The following CDH4 variants were observed in gnomAD, a reference collection of about 807,000 sequenced individuals.
CDH4 encodes the protein cadherin-4.
A neutral mutation model predicts 86.0 loss-of-function variants in CDH4; 33 were observed. The ratio of observed to expected loss-of-function variants is 0.38; its 90% confidence interval spans 0.29 to 0.51. The LOEUF is 0.51. CDH4 is among the 20% of genes least tolerant of loss of function. The pLI, the probability that CDH4 is intolerant of heterozygous loss-of-function variation, is 0.86. For synonymous variants in CDH4, 555 were observed against 549.4 expected, an observed-to-expected ratio of 1.01 and a Z score of -0.14; for missense variants, 1,114 against 1,307.4, an observed-to-expected ratio of 0.85 and a Z score of 2.28.
chr20:61,795,022 T>C (rs1979448020), intron 4 of CDH4, among the ~76,000 whole-genome samples: 1 of 150,154 alleles, frequency 6.7e-6, no homozygotes, highest in Non-Finnish European at 1.5e-5. Context: ...GTGATAAAGG[T>C]GGGAGTGGTG....
chr20:61,350,128 G>A (rs2084702632), intron 2 of CDH4, among the ~76,000 whole-genome samples: 1 of 106,764 alleles, frequency 9.4e-6, no homozygotes, highest in Admixed American at 9.5e-5. Context: ...CCCCAGTGCT[G>A]CAGAGGCCAG....
chr20:61,688,513 C>G (rs1266896633), intron 2 of CDH4, among the ~76,000 whole-genome samples: 1 of 152,230 alleles, frequency 6.6e-6, no homozygotes, highest in Non-Finnish European at 1.5e-5. Context: ...ACTCTTGGTC[C>G]CCTGGACCGC....
chr20:61,405,192 C>T (rs1055658059), intron 2 of CDH4, among the ~76,000 whole-genome samples: 3 of 151,960 alleles, frequency 2.0e-5, no homozygotes, highest in Admixed American at 1.3e-4. Flanking sequence ...CCTCCCTCCC[C>T]GGGATGCGCT....
intron 2 of CDH4, among the ~76,000 whole-genome samples, chr20:61,509,492 G>A (rs1045223044): frequency 2.7e-5 from 4 of 148,298 alleles, no homozygotes; most frequent in Admixed American, 1.4e-4. Flanking sequence ...GGAGGCATTC[G>A]AGATGGGCCC....
intron 2 of CDH4, among the ~76,000 whole-genome samples, chr20:61,328,926 G>A (rs114825549): frequency 0.036 from 5,499 of 152,314 alleles, 262 homozygotes; most frequent in African/African-American, 0.1. Flanking sequence ...CCCATTGCAA[G>A]TTGAAAAGAT....
intron 6 of CDH4, among the ~76,000 whole-genome samples, chr20:61,861,259 C>A (rs1026449932): frequency 1.3e-5 from 2 of 152,202 alleles, no homozygotes; most frequent in Non-Finnish European, 2.9e-5. Flanking sequence ...TGCGATCATG[C>A]GGTCATCACA....
rs555725508 is a variant in CDH4, at chr20:61,852,841, C to T, written c.820C>T (p.Arg274Cys). ...YIYVIDMNDNRPEFINQVYNG... is the reference protein window; with the variant it reads ...YIYVIDMNDNCPEFINQVYNG... ...CTACGTCATCGACATGAATGACAAC[C>T]GCCCTGAGTTCATCAACCAGGTCTA... The change falls in exon 6 of 16, where the codon CGC (arginine) becomes TGC (cysteine). Residue 274 changes from arginine to cysteine, a missense_variant. Arg to Cys is a radical substitution (Grantham distance 180, BLOSUM62 -3). This residue lies in a region of CDH4 where 705 missense variants were observed against 914.1 expected (regional missense o/e 0.77). Transcript: ENST00000614565. 10 of 1,614,108 alleles carry T rather than the reference C, an allele frequency of 6.2e-6. No homozygotes were observed. The highest frequency in any genetic ancestry group is 2.2e-5 in the East Asian group (1 of 44,880).
chr20:61,428,137 C>T (rs2085224956), intron 2 of CDH4, among the ~76,000 whole-genome samples: 1 of 152,170 alleles, frequency 6.6e-6, no homozygotes, highest in East Asian at 1.9e-4. Context: ...GGAATTCCTT[C>T]TGCTTCTGGG....
intron 2 of CDH4, among the ~76,000 whole-genome samples, chr20:61,578,087 T>G (rs1372012204): frequency 6.6e-6 from 1 of 152,098 alleles, no homozygotes; most frequent in African/African-American, 2.4e-5. Context: ...GACCCTCAGC[T>G]CTACTCAAGT....
At chr20:61,274,554 TG>T (rs1250713830) in intron 2 of CDH4, among the ~76,000 whole-genome samples, 1 of 143,024 alleles carries the variant, frequency 7.0e-6, no homozygotes, top group African/African-American at 2.7e-5. Context: ...ATGTGCAACT[TG>T]GGGGAGTACC....
chr20:61,659,205 G>A (rs1287416751), intron 2 of CDH4, among the ~76,000 whole-genome samples: 1 of 152,196 alleles, frequency 6.6e-6, no homozygotes. Flanking sequence ...CGTGACACTC[G>A]TGGGGGTTTG....
chr20:61,679,552 A>T (rs2087485470), intron 2 of CDH4, among the ~76,000 whole-genome samples: 1 of 152,186 alleles, frequency 6.6e-6, no homozygotes, highest in Admixed American at 6.5e-5. Flanking sequence ...GTGCACACCC[A>T]GGAAGCCACT....
intron 2 of CDH4, among the ~76,000 whole-genome samples, chr20:61,328,629 A>G (rs975005943): frequency 1.3e-5 from 2 of 152,090 alleles, no homozygotes; most frequent in Non-Finnish European, 2.9e-5. Context: ...ACTAAAAATA[A>G]AAAAAGACTA....
At chr20:61,665,837 G>C (rs113810726) in intron 2 of CDH4, among the ~76,000 whole-genome samples, 7 of 152,334 alleles carry the variant, frequency 4.6e-5, no homozygotes, top group Admixed American at 1.3e-4. Context: ...AACCACAGCT[G>C]CATTCTCTGG....
intron 13 of CDH4, among the ~76,000 whole-genome samples, chr20:61,931,477 G>A (rs1395558184): frequency 6.6e-6 from 1 of 152,324 alleles, no homozygotes; most frequent in African/African-American, 2.4e-5. Flanking sequence ...AATTAATCGG[G>A]TTGGCAAAAA....
chr20:61,932,560 CACAT>C (rs2055123965), intron 13 of CDH4, among the ~76,000 whole-genome samples: 1 of 140,914 alleles, frequency 7.1e-6, no homozygotes, highest in East Asian at 2.2e-4. Context: ...TGCATCTACA[CACAT>C]GAACACACGA....
chr20:61,922,534 A>T (rs1284875171), intron 9 of CDH4, among the ~76,000 whole-genome samples: 3 of 152,360 alleles, frequency 2.0e-5, no homozygotes, highest in Non-Finnish European at 4.4e-5. Flanking sequence ...ACCACAAACC[A>T]GGTGGGTTAC....
chr20:61,686,281 G>A (rs1250550020), intron 2 of CDH4, among the ~76,000 whole-genome samples: 2 of 152,254 alleles, frequency 1.3e-5, no homozygotes, highest in East Asian at 3.8e-4. Context: ...CTGCGTGGCT[G>A]GGAGGCCTGC....
chr20:61,819,934 C>G (rs911480561), intron 4 of CDH4, among the ~76,000 whole-genome samples: 2 of 152,190 alleles, frequency 1.3e-5, no homozygotes, highest in Non-Finnish European at 1.5e-5. Context: ...TCTGATCCCG[C>G]GACCTTGAGC....
Sources: allele counts gnomAD v4.1 joint callset (sites outside exome capture counted in the v4.1 genomes callset), GRCh38; gene constraint gnomAD v4.1.1; regional missense constraint gnomAD v4.1.1; transcripts MANE v1.5; gene names NCBI Gene and HGNC (gene_info 2026-07-23, HGNC 2026-07-21).